HDHD2: variants seen among roughly 807,000 people sequenced by gnomAD.
HDHD2 encodes haloacid dehalogenase-like hydrolase domain-containing protein 2.
Under a neutral mutation model 24.8 loss-of-function variants are expected in HDHD2, and 26 were observed. That is an observed-to-expected ratio of 1.05 (90% CI 0.77 to 1.45). The LOEUF (loss-of-function observed/expected upper bound fraction) is 1.45, where lower values mean the gene tolerates loss of function less well. Among genes scored for constraint, HDHD2 ranks in the 40% most tolerant of loss-of-function variants. HDHD2 has a pLI of 0.00. For missense variants in HDHD2, 299 were observed against 313.4 expected, an observed-to-expected ratio of 0.95 and a Z score of 0.35; for synonymous variants, 128 against 114.9, an observed-to-expected ratio of 1.11 and a Z score of -0.73.
intron 1 of HDHD2, among the ~76,000 whole-genome samples, chr18:47,144,614 GCC>G (rs577393404): frequency 1.9e-3 from 294 of 151,974 alleles, no homozygotes; most frequent in African/African-American, 6.8e-3. Context: ...CTAGTTTTCA[GCC>G]CAAACAGCAA....
chr18:47,134,838 A>G (rs2063748733), intron 2 of HDHD2, 134 bp from the exon 3 acceptor site: 1 of 670,890 alleles, frequency 1.5e-6, no homozygotes, highest in Admixed American at 2.9e-5. Context: ...TTGCCCCTCC[A>G]GAATGGCAGG....
intron 4 of HDHD2, among the ~76,000 whole-genome samples, chr18:47,121,863 A>T (rs963168788): frequency 1.3e-5 from 2 of 152,180 alleles, no homozygotes; most frequent in African/African-American, 4.8e-5. Context: ...GGTTCCCCAT[A>T]CTTTTCACAT....
At position 47,134,722 on chromosome 18, in the gene HDHD2, C is replaced by T. The variant is rs757389041; in HGVS notation, c.102-18G>A. On this transcript the variant is annotated intron_variant, in intron 2 of 6. Transcript: ENST00000300605. The stretch of plus-strand genomic sequence containing the variant: ...CACGTAACCTGGAGAGGGCCAAATT[C>T]AGAAGTCAAAAGGCAGCTTTTACAT... The T allele has an allele frequency of 1.2e-6, 2 of 1,602,196 alleles. No individual in the cohort carries two copies. Among genetic ancestry groups the T allele is most frequent in the Non-Finnish European group, 1.7e-6 (2 of 1,171,188 alleles).
At chr18:47,136,472 A>T in intron 1 of HDHD2, 23 bp from the exon 2 acceptor site, 1 of 1,600,578 alleles carries the variant, frequency 6.2e-7, no homozygotes, top group Non-Finnish European at 8.5e-7. Context: ...AAATGAAATT[A>T]AAAATACAGT....
At chr18:47,139,464 CAAAAAAAAAAAAAA>C (rs760347919) in intron 1 of HDHD2, among the ~76,000 whole-genome samples, 40 of 50,484 alleles carry the variant, frequency 7.9e-4, no homozygotes, top group Admixed American at 1.8e-3. Flanking sequence ...GACTCTGTCT[CAAAAAAAAAAAAAA>C]AAAAAAAAAA....
intron 1 of HDHD2, among the ~76,000 whole-genome samples, chr18:47,147,732 C>A (rs926043569): frequency 2.0e-5 from 3 of 152,146 alleles, no homozygotes; most frequent in Admixed American, 2.0e-4. Flanking sequence ...ACTGAAGCAT[C>A]CACACAGGCT....
rs111786657 is a variant in HDHD2, at chr18:47,144,052, T to C, written c.-11+6326A>G. The stretch of plus-strand genomic sequence containing the variant: ...CCAAATAAAGCCTAACAATACTAGA[T>C]AAAAAATTATACACATGTGTGTGTG... On this transcript the variant is annotated intron_variant, in intron 1 of 6. Coordinates refer to ENST00000300605, the MANE Select transcript of HDHD2 (RefSeq NM_032124.5). Among the ~76,000 whole-genome samples, 1,009 of 151,930 alleles carry C rather than the reference T, an allele frequency of 6.6e-3. 13 individuals are homozygous for C. Among genetic ancestry groups the C allele is most frequent in the African/African-American group, 0.024 (976 of 41,404 alleles).
intron 2 of HDHD2, among the ~76,000 whole-genome samples, chr18:47,135,025 G>C (rs759402599): frequency 1.3e-5 from 2 of 152,092 alleles, no homozygotes; most frequent in African/African-American, 4.8e-5. Flanking sequence ...GTCCAACCGT[G>C]CAACAGATTT....
chr18:47,136,494 T>G lies in HDHD2; in HGVS notation c.-10-45A>C, dbSNP rs758990469. Reference sequence around the variant, plus strand: ...ATTAAAAATACAGTTTAGGAAACAATGGACAATTAAAAACTGGTAAGTATT... The same window carrying G: ...ATTAAAAATACAGTTTAGGAAACAAGGGACAATTAAAAACTGGTAAGTATT... On this transcript the variant is annotated intron_variant, in intron 1 of 6. Transcript: ENST00000300605. The G allele has an allele frequency of 3.2e-6, 5 of 1,539,064 alleles. No homozygotes were observed. The African/African-American group carries it at 6.8e-5, about 21-fold the overall frequency.
chr18:47,149,578 G>A lies in HDHD2; in HGVS notation c.-11+800C>T, dbSNP rs138931061. Among the ~76,000 whole-genome samples the A allele has an allele frequency of 1.0e-4, 15 of 148,034 alleles. No individual in the cohort carries two copies. In the East Asian group the frequency reaches 3.1e-3, roughly 30 times the overall value. ...ACCCAAGTTCCATGGTACTGCAGGC[G>A]GCCAAGAGCTCTACACTTTGCCTCC... On this transcript the variant is annotated intron_variant, in intron 1 of 6. Transcript: ENST00000300605.
At chr18:47,122,439 C>T (rs548019458) in intron 4 of HDHD2, among the ~76,000 whole-genome samples, 138 of 152,226 alleles carry the variant, frequency 9.1e-4, no homozygotes, top group African/African-American at 3.3e-3. Context: ...AGTACCACCA[C>T]CCCTCTCCCT....
At chr18:47,148,415 T>A (rs1046194912) in intron 1 of HDHD2, among the ~76,000 whole-genome samples, 6 of 152,210 alleles carry the variant, frequency 3.9e-5, no homozygotes, top group Non-Finnish European at 5.9e-5. Context: ...ATTTTGTTTA[T>A]CTTGAGTCCA....
Position 47,139,136 on chromosome 18 carries a change from AT to A in HDHD2, c.-10-2688del, listed in dbSNP as rs1238008314. Among the ~76,000 whole-genome samples, 7 of 152,144 alleles carry A rather than the reference AT, an allele frequency of 4.6e-5. No individual in the cohort carries two copies. In the East Asian group the frequency reaches 1.4e-3, roughly 29 times the overall value. On this transcript the variant is annotated intron_variant, in intron 1 of 6. Transcript: ENST00000300605. ...CAGACCTTGCCCTATGTATCTCTTCATTTGGCTGTTAATTTGTATCCTTCAA... is the reference window on the plus strand; with the variant it reads ...CAGACCTTGCCCTATGTATCTCTTCATTGGCTGTTAATTTGTATCCTTCAA...
intron 5 of HDHD2, 91 bp downstream of exon 5, chr18:47,115,040 CA>C (rs2063546583): frequency 1.2e-6 from 1 of 853,164 alleles, no homozygotes; most frequent in Non-Finnish European, 1.9e-6. Flanking sequence ...TTGTCAGTAA[CA>C]GAATGTCCCC....
intron 4 of HDHD2, among the ~76,000 whole-genome samples, chr18:47,128,690 G>A (rs577930420): frequency 6.6e-6 from 1 of 152,336 alleles, no homozygotes; most frequent in Admixed American, 6.5e-5. Flanking sequence ...ACAGTGACTA[G>A]AGTCACAAAT....
At chr18:47,139,145 T>C (rs1293568265) in intron 1 of HDHD2, among the ~76,000 whole-genome samples, 1 of 152,030 alleles carries the variant, frequency 6.6e-6, no homozygotes, top group African/African-American at 2.4e-5. Flanking sequence ...CATTTGGCTG[T>C]TAATTTGTAT....
chr18:47,146,229 CAAA>C (rs61430354), intron 1 of HDHD2, among the ~76,000 whole-genome samples: 5 of 58,938 alleles, frequency 8.5e-5, no homozygotes, highest in African/African-American at 1.2e-4. Flanking sequence ...GAATGTGTCT[CAAA>C]AAAAAAAAAA....
chr18:47,136,426 C>G lies in HDHD2; in HGVS notation c.14G>C (p.Arg5Pro). Residue 5 changes from arginine to proline, a missense_variant, in exon 2 of 7, where the codon CGT (arginine) becomes CCT (proline). By Grantham distance (103) the Arg-to-Pro change is moderately radical. Coordinates refer to ENST00000300605, the MANE Select transcript of HDHD2 (RefSeq NM_032124.5). ...ATCTACCAAAACAGCTTTTAATGCA[C>G]GGCATGCTGCCATCCTTCATTCCCT... MAACRALKAVLVDLS... is the reference protein window; with the variant it reads MAACPALKAVLVDLS... 1 of 1,612,590 alleles carries G rather than the reference C, an allele frequency of 6.2e-7. No homozygotes were observed. The highest frequency in any genetic ancestry group is 8.5e-7 in the Non-Finnish European group (1 of 1,179,816).
intron 6 of HDHD2, chr18:47,110,786 T>C (rs1228620964): frequency 1.0e-6 from 1 of 984,958 alleles, no homozygotes; most frequent in African/African-American, 1.7e-5. Flanking sequence ...TGATGATATA[T>C]GAAGGCAAAG....
Sources: gnomAD v4.1 joint callset for allele counts (sites outside exome capture counted in the v4.1 genomes callset) on GRCh38, gnomAD v4.1.1 for gene constraint, MANE v1.5 for transcripts, NCBI Gene and HGNC (gene_info 2026-07-23, HGNC 2026-07-21) for gene names.